APBB2: variants seen among roughly 807,000 people sequenced by gnomAD.
APBB2 encodes amyloid beta precursor protein binding family B member 2.
Under a neutral mutation model 82.5 loss-of-function variants are expected in APBB2, and 38 were observed. That is an observed-to-expected ratio of 0.46 (90% CI 0.36 to 0.60). The LOEUF (loss-of-function observed/expected upper bound fraction) is 0.60. Among genes scored for constraint, APBB2 ranks in the 20% least tolerant of loss-of-function variants. The probability of loss-of-function intolerance (pLI) is 0.00; values close to 1 mark genes in which losing one functional copy is unlikely to be tolerated. For missense variants in APBB2, 772 were observed against 972.3 expected, an observed-to-expected ratio of 0.79 and a Z score of 2.74; for synonymous variants, 341 against 368.2, an observed-to-expected ratio of 0.93 and a Z score of 0.85.
At chr4:40,871,010 A>G (rs1215527903) in intron 12 of APBB2, among the ~76,000 whole-genome samples, 1 of 4,294 alleles carries the variant, frequency 2.3e-4, no homozygotes, top group African/African-American at 9.0e-4. Context: ...AGCCATACAT[A>G]TATATATATG....
chr4:40,866,709 G>C (rs1764113675), intron 12 of APBB2, among the ~76,000 whole-genome samples: 1 of 151,940 alleles, frequency 6.6e-6, no homozygotes, highest in African/African-American at 2.4e-5. Flanking sequence ...ATTTTATAGT[G>C]TCCTTTTATT....
In APBB2 at chr4:40,856,844, C is replaced by A. The variant is rs572871076; in HGVS notation, c.1530-26267G>T. The A allele has an allele frequency of 8.4e-6, 6 of 715,548 alleles. No homozygotes were observed. The South Asian group carries it at 3.7e-4, about 44-fold the overall frequency. 44.3% of individuals were successfully genotyped at this position (715,548 alleles called of 1,614,324 possible). On this transcript the variant is annotated intron_variant, in intron 12 of 17. Transcript: ENST00000508593. ...GCAGAAAGCCCCCTCTTCAGCCCTT[C>A]CAGCCGTCCAGGACCAGGCAACTCG...
intron 1 of APBB2, among the ~76,000 whole-genome samples, chr4:41,166,266 T>G (rs937619720): frequency 1.3e-5 from 2 of 152,026 alleles, no homozygotes; most frequent in African/African-American, 4.8e-5. Flanking sequence ...CCAGGCTTGG[T>G]AGCTCACGCC....
chr4:41,007,363 C>T (rs979849485), intron 6 of APBB2, among the ~76,000 whole-genome samples: 3 of 151,592 alleles, frequency 2.0e-5, no homozygotes, highest in African/African-American at 4.8e-5. Flanking sequence ...AGAACTGTGA[C>T]CTAAATATAT....
At chr4:40,870,139 C>T (rs2154340071) in intron 12 of APBB2, among the ~76,000 whole-genome samples, 1 of 152,216 alleles carries the variant, frequency 6.6e-6, no homozygotes, top group African/African-American at 2.4e-5. Context: ...AAGAATGATT[C>T]ATTATTTAAT....
At chr4:40,816,308 C>T (rs779643865) in intron 17 of APBB2, 49 bp from the exon 18 acceptor site, 1 of 1,591,184 alleles carries the variant, frequency 6.3e-7, no homozygotes, top group Non-Finnish European at 8.6e-7. Flanking sequence ...CATATTATTT[C>T]ATCTTTAATA....
intron 4 of APBB2, among the ~76,000 whole-genome samples, chr4:41,058,115 G>C (rs1223680909): frequency 1.3e-5 from 2 of 152,120 alleles, no homozygotes; most frequent in East Asian, 3.9e-4. Context: ...CTTCTTTCCA[G>C]GGCATCCGAT....
intron 1 of APBB2, among the ~76,000 whole-genome samples, chr4:41,178,933 A>G (rs1770572631): frequency 6.6e-6 from 1 of 152,122 alleles, no homozygotes; most frequent in South Asian, 2.1e-4. Flanking sequence ...CCTTCCACCC[A>G]CCCAGAACTG....
chr4:40,924,904 C>T (rs1336032593), intron 10 of APBB2, among the ~76,000 whole-genome samples: 1 of 152,162 alleles, frequency 6.6e-6, no homozygotes, highest in Non-Finnish European at 1.5e-5. Flanking sequence ...CAGATCTGTT[C>T]CTAAAAGCAT....
At chr4:40,818,653 C>A (rs1226436944) in intron 17 of APBB2, among the ~76,000 whole-genome samples, 3 of 152,142 alleles carry the variant, frequency 2.0e-5, no homozygotes, top group Non-Finnish European at 4.4e-5. Flanking sequence ...CTCCCCTGAA[C>A]CCCAGCCCTG....
chr4:41,101,252 C>T (rs542723868), intron 2 of APBB2, among the ~76,000 whole-genome samples: 4 of 151,162 alleles, frequency 2.6e-5, no homozygotes, highest in Non-Finnish European at 5.9e-5. Context: ...ATCATGAGGT[C>T]AGGAGATCGA....
chr4:41,118,417 A>G (rs1409813521), intron 2 of APBB2, among the ~76,000 whole-genome samples: 1 of 152,174 alleles, frequency 6.6e-6, no homozygotes, highest in Admixed American at 6.5e-5. Context: ...TGATGATGAT[A>G]CCTTTACCAC....
intron 6 of APBB2, among the ~76,000 whole-genome samples, chr4:40,978,587 G>T (rs78175103): frequency 1.3e-5 from 2 of 152,006 alleles, no homozygotes; most frequent in African/African-American, 4.8e-5. Flanking sequence ...AAAAAAAAGC[G>T]TGGAAAATTA....
intron 12 of APBB2, among the ~76,000 whole-genome samples, chr4:40,888,832 C>T (rs988438309): frequency 3.3e-5 from 5 of 152,284 alleles, no homozygotes; most frequent in East Asian, 3.9e-4. Flanking sequence ...TTCGCTCCTG[C>T]GTCGCACACG....
intron 12 of APBB2, among the ~76,000 whole-genome samples, chr4:40,872,900 A>C (rs1290082196): frequency 6.6e-6 from 1 of 152,010 alleles, no homozygotes; most frequent in African/African-American, 2.4e-5. Flanking sequence ...AGCCTGGCCA[A>C]CATGGTGAAT....
intron 12 of APBB2, among the ~76,000 whole-genome samples, chr4:40,860,977 G>A (rs907096879): frequency 6.6e-6 from 1 of 152,144 alleles, no homozygotes; most frequent in African/African-American, 2.4e-5. Context: ...CCATCACTTT[G>A]CTTTCGAAGC....
chr4:40,830,398 C>T (rs1396533674), intron 13 of APBB2, 65 bp downstream of exon 13: 7 of 1,156,922 alleles, frequency 6.1e-6, no homozygotes, highest in Non-Finnish European at 9.2e-6. Flanking sequence ...CCCCGCCCTT[C>T]CACATCCTTT....
intron 1 of APBB2, among the ~76,000 whole-genome samples, chr4:41,200,296 C>T (rs1043891524): frequency 6.6e-6 from 1 of 152,014 alleles, no homozygotes. Flanking sequence ...ATTCTATTAC[C>T]CTGACTGAAA....
chr4:40,831,764 G>T (rs982576495), intron 12 of APBB2, among the ~76,000 whole-genome samples: 24 of 152,240 alleles, frequency 1.6e-4, no homozygotes, highest in African/African-American at 5.8e-4. Flanking sequence ...ACACGTCTCA[G>T]ACTCCAGATC....
Sources: gnomAD v4.1 joint callset for allele counts (sites outside exome capture counted in the v4.1 genomes callset) on GRCh38, gnomAD v4.1.1 for gene constraint, MANE v1.5 for transcripts, NCBI Gene and HGNC (gene_info 2026-07-23, HGNC 2026-07-21) for gene names.